PPWD1: variants seen among roughly 807,000 people sequenced by gnomAD.
PPWD1 encodes peptidylprolyl isomerase domain and WD repeat containing 1, also known as peptidylprolyl isomerase domain and WD repeat-containing protein 1.
In PPWD1, 43 loss-of-function variants were observed where a neutral mutation model predicts 68.8. That is an observed-to-expected ratio of 0.62 (90% CI 0.49 to 0.81). The LOEUF is 0.81. PPWD1 is among the 30% of genes least tolerant of loss of function. PPWD1 has a pLI of 0.00. For synonymous variants in PPWD1, 232 were observed against 258.7 expected, an observed-to-expected ratio of 0.90 and a Z score of 0.99; for missense variants, 672 against 804.8, an observed-to-expected ratio of 0.83 and a Z score of 2.00.
chr5:65,585,168 A>G, intron 9 of PPWD1, 73 bp downstream of exon 9: 4 of 1,410,516 alleles, frequency 2.8e-6, no homozygotes, highest in Non-Finnish European at 3.9e-6. Flanking sequence ...AGCGCAAGGA[A>G]TCTTCTTCTC....
At chr5:65,567,795 A>G in intron 2 of PPWD1, 180 bp downstream of exon 2, 1 of 1,156,056 alleles carries the variant, frequency 8.7e-7, no homozygotes, top group Non-Finnish European at 1.1e-6. Flanking sequence ...ATTCTCTAAG[A>G]TAGAACCCCT....
At position 65,572,071 on chromosome 5, in the gene PPWD1, G is replaced by A; in HGVS notation, c.754G>A (p.Gly252Arg). ...DKSGMIEYWT[G>R]PPHEYKFPKN... ...ATCTGGGATGATTGAATACTGGACT[G>A]GGCCTCCTCATGAATATAAATTCCC... Residue 252 changes from glycine (G) to arginine (R), a missense_variant, in exon 5 of 11, where the codon GGG (glycine) becomes AGG (arginine). Physicochemically the swap from Gly to Arg is moderately radical, Grantham distance 125 (BLOSUM62 -2). Coordinates refer to ENST00000261308, the MANE Select transcript of PPWD1 (RefSeq NM_015342.4). 1 of 1,613,704 alleles carries A rather than the reference G, an allele frequency of 6.2e-7. No homozygotes were observed. The highest frequency in any genetic ancestry group is 1.3e-5 in the African/African-American group (1 of 75,014).
intron 2 of PPWD1, chr5:65,568,926 A>T (rs931634122): frequency 2.2e-6 from 1 of 455,884 alleles, no homozygotes; most frequent in Non-Finnish European, 4.4e-6. Flanking sequence ...AGACAATGGA[A>T]GGTAATACAG....
intron 10 of PPWD1, 37 bp from the exon 11 acceptor site, chr5:65,587,216 G>A (rs767019309): frequency 1.9e-6 from 3 of 1,561,126 alleles, no homozygotes; most frequent in Non-Finnish European, 1.7e-6. Context: ...AAAGAAATTG[G>A]GGTTTACCAA....
chr5:65,583,177 A>G lies in PPWD1; in HGVS notation c.1490A>G (p.His497Arg). The change falls in exon 8 of 11, where the codon CAC becomes CGC. Residue 497 changes from histidine (H) to arginine (R), a missense_variant. Coordinates refer to ENST00000261308, the MANE Select transcript of PPWD1 (RefSeq NM_015342.4). Reference sequence around the variant, plus strand: ...CGAGTTTCGGACAGTGCCATTATCCACACCAGCATGGGAGACATTCACACC... The same window carrying G: ...CGAGTTTCGGACAGTGCCATTATCCGCACCAGCATGGGAGACATTCACACC... ...PKRVSDSAII[H>R]TSMGDIHTKL... 3 of 1,609,126 alleles carry G rather than the reference A, an allele frequency of 1.9e-6. No homozygotes were observed. Among genetic ancestry groups the G allele is most frequent in the Non-Finnish European group, 2.5e-6 (3 of 1,178,218 alleles).
intron 5 of PPWD1, among the ~76,000 whole-genome samples, chr5:65,574,248 A>C (rs920802007): frequency 1.4e-4 from 21 of 152,336 alleles, no homozygotes; most frequent in Admixed American, 1.0e-3. Context: ...TCCTTATGAC[A>C]AATTTTCTTG....
intron 7 of PPWD1, among the ~76,000 whole-genome samples, chr5:65,580,764 T>TCAG (rs1490073062): frequency 1.3e-5 from 2 of 152,168 alleles, no homozygotes; most frequent in African/African-American, 4.8e-5. Flanking sequence ...TCCACCTGAC[T>TCAG]CAGCCTCCCA....
Position 65,579,582 on chromosome 5 carries a change from G to A in PPWD1, c.1319G>A (p.Cys440Tyr). 6.3e-7 allele frequency: 1 copy of A among 1,583,890 alleles called. No homozygotes were observed. Among genetic ancestry groups the A allele is most frequent in the East Asian group, 2.3e-5 (1 of 43,524 alleles). ...ATTCAAGCTGACCCAACAATAGTCT[G>A]TACATCATTCAAAAAGAATAGATTT... ...QNIQADPTIV[C>Y]TSFKKNRFYM... The change falls in exon 7 of 11, where the codon TGT becomes TAT. Residue 440 changes from cysteine (C) to tyrosine (Y), a missense_variant. This residue lies in a region of PPWD1 where 484 missense variants were observed against 646.2 expected (regional missense o/e 0.75). Coordinates refer to ENST00000261308, the MANE Select transcript of PPWD1 (RefSeq NM_015342.4).
chr5:65,573,098 G>A (rs75035255), intron 5 of PPWD1, among the ~76,000 whole-genome samples: 2,721 of 151,984 alleles, frequency 0.018, 64 homozygotes, highest in African/African-American at 0.055. Flanking sequence ...TGCCATTTGG[G>A]TCTTCTTTTT....
intron 7 of PPWD1, 85 bp downstream of exon 7, chr5:65,579,698 G>GA (rs778730566): frequency 9.8e-4 from 985 of 1,001,742 alleles, no homozygotes; most frequent in Middle Eastern, 1.5e-3. Context: ...CAACTGAAGA[G>GA]AATGTTGGCA....
At chr5:65,567,657 T>A (rs1233360325) in intron 2 of PPWD1, 42 bp downstream of exon 2, 119 of 1,359,986 alleles carry the variant, frequency 8.8e-5, no homozygotes, top group Admixed American at 1.5e-4. Context: ...TGAGTTTATT[T>A]AAAAAAAAAA....
intron 1 of PPWD1, 127 bp downstream of exon 1, chr5:65,563,633 A>T: frequency 7.9e-7 from 1 of 1,271,962 alleles, no homozygotes; most frequent in East Asian, 2.9e-5. Flanking sequence ...CCGTCCTCTC[A>T]CTTCTGGCTA....
At chr5:65,579,373 T>C (rs764893601) in intron 6 of PPWD1, 51 bp from the exon 7 acceptor site, 2 of 1,407,298 alleles carry the variant, frequency 1.4e-6, no homozygotes, top group Non-Finnish European at 1.9e-6. Flanking sequence ...GTTGTCATAA[T>C]TGGAATTAAC....
At chr5:65,576,748 C>A in intron 5 of PPWD1, 131 bp from the exon 6 acceptor site, 1 of 1,381,162 alleles carries the variant, frequency 7.2e-7, no homozygotes, top group Non-Finnish European at 9.6e-7. Context: ...TTAAGAAGTA[C>A]AAACAGTTAG....
At chr5:65,564,318 C>CTTTTTTTT (rs550753414) in intron 1 of PPWD1, among the ~76,000 whole-genome samples, 3 of 117,228 alleles carry the variant, frequency 2.6e-5, no homozygotes, top group East Asian at 2.4e-4. Flanking sequence ...TTTTCTCTCT[C>CTTTTTTTT]TTTTTTTTTT....
At chr5:65,570,349 A>G (rs368660147) in intron 4 of PPWD1, 3 of 877,694 alleles carry the variant, frequency 3.4e-6, no homozygotes, top group South Asian at 5.3e-5. Context: ...TTGAGTTCCT[A>G]TAAGATTTAT....
chr5:65,579,137 G>A (rs1482160426), intron 6 of PPWD1, among the ~76,000 whole-genome samples: 2 of 151,924 alleles, frequency 1.3e-5, no homozygotes, highest in East Asian at 1.9e-4. Context: ...GGCTGGTCTC[G>A]AACTCCTGAC....
At chr5:65,586,709 C>T (rs1034060409) in intron 10 of PPWD1, among the ~76,000 whole-genome samples, 1 of 152,114 alleles carries the variant, frequency 6.6e-6, no homozygotes, top group Non-Finnish European at 1.5e-5. Flanking sequence ...AAAAATGTAA[C>T]TACCATCTGC....
intron 6 of PPWD1, chr5:65,579,220 T>C: frequency 1.3e-6 from 1 of 778,112 alleles, no homozygotes; most frequent in Non-Finnish European, 1.7e-6. Context: ...CCTGGCCTCA[T>C]TTCTGTTTTT....
Sources: gnomAD v4.1 joint callset for allele counts (sites outside exome capture counted in the v4.1 genomes callset) on GRCh38, gnomAD v4.1.1 for gene constraint, gnomAD v4.1.1 regional missense constraint, MANE v1.5 for transcripts, NCBI Gene and HGNC (gene_info 2026-07-23, HGNC 2026-07-21) for gene names.